The following SEC63 variants were observed in gnomAD, a reference collection of about 807,000 sequenced individuals.
SEC63 encodes the protein translocation protein SEC63 homolog.
SEC63 carries 56 observed loss-of-function variants against 116.2 expected under a neutral mutation model. That is an observed-to-expected ratio of 0.48 (90% CI 0.39 to 0.60). The LOEUF is 0.60. Ranked by LOEUF, SEC63 falls within the 20% of genes least tolerant of loss-of-function variation. The pLI is 0.00. For synonymous variants in SEC63, 273 were observed against 294.6 expected, an observed-to-expected ratio of 0.93 and a Z score of 0.75; for missense variants, 668 against 900.0, an observed-to-expected ratio of 0.74 and a Z score of 3.30.
rs150788370 is a variant in SEC63, at chr6:107,955,882, CTAAATAAA to C, written c.124+1996_124+2003del. 365 of 214,786 alleles carry C rather than the reference CTAAATAAA, an allele frequency of 1.7e-3. 14 individuals carry two copies. The highest frequency in any genetic ancestry group is 8.4e-3 in the Middle Eastern group (4 of 474). The allele number at this position is 214,786 out of a possible 1,614,324, so 13.3% of individuals were successfully genotyped here. A position where few individuals can be genotyped will look rare whatever the true frequency, so the allele number is the denominator to read the frequency against. Reference sequence around the variant, plus strand: ...TGGGCAACAGAGTGAGACTCTGTCTCTAAATAAATAAATAAATAAATAAATAAATAAAT... The same window carrying C: ...TGGGCAACAGAGTGAGACTCTGTCTCTAAATAAATAAATAAATAAATAAAT... On this transcript the variant is annotated intron_variant, in intron 1 of 20. Transcript: ENST00000369002.
At chr6:107,932,621 G>C (rs1204796470) in intron 1 of SEC63, among the ~76,000 whole-genome samples, 1 of 152,262 alleles carries the variant, frequency 6.6e-6, no homozygotes, top group East Asian at 1.9e-4. Context: ...TGAAAAAATA[G>C]AAAACAAGAA....
chr6:107,956,247 C>T (rs1770708440), intron 1 of SEC63: 3 of 169,014 alleles, frequency 1.8e-5, no homozygotes. Flanking sequence ...TCTGGCCAAA[C>T]CCACCGACTA....
At chr6:107,934,649 C>T (rs1770158202) in intron 1 of SEC63, among the ~76,000 whole-genome samples, 1 of 136,292 alleles carries the variant, frequency 7.3e-6, no homozygotes. Context: ...CCAGGCCAGC[C>T]ACCCCGTCCA....
chr6:107,875,737 A>G (rs1470571056), intron 19 of SEC63, among the ~76,000 whole-genome samples: 1 of 152,178 alleles, frequency 6.6e-6, no homozygotes, highest in Non-Finnish European at 1.5e-5. Context: ...ATGAAGATCT[A>G]AGATGCTATT....
At chr6:107,909,086 G>A (rs1265521452) in intron 7 of SEC63, 51 bp from the exon 8 acceptor site, 1 of 1,282,558 alleles carries the variant, frequency 7.8e-7, no homozygotes, top group Non-Finnish European at 1.1e-6. Flanking sequence ...AACTACGATA[G>A]GCTGGGCGAG....
chr6:107,890,143 T>C (rs888941028), intron 16 of SEC63, among the ~76,000 whole-genome samples: 3 of 151,094 alleles, frequency 2.0e-5, no homozygotes, highest in Admixed American at 1.3e-4. Flanking sequence ...CCTTGTTAAT[T>C]TTCTGTCTAA....
intron 4 of SEC63, among the ~76,000 whole-genome samples, chr6:107,917,709 C>G (rs1562328338): frequency 6.6e-6 from 1 of 152,150 alleles, no homozygotes; most frequent in Non-Finnish European, 1.5e-5. Context: ...TCAAACTACC[C>G]ACAATGTTCC....
intron 1 of SEC63, among the ~76,000 whole-genome samples, chr6:107,946,369 A>G (rs1411251836): frequency 6.6e-6 from 1 of 151,418 alleles, no homozygotes; most frequent in Non-Finnish European, 1.5e-5. Context: ...AGTAGCTGGG[A>G]TTACAGGTAT....
At chr6:107,921,330 T>A (rs1339456472) in intron 4 of SEC63, among the ~76,000 whole-genome samples, 1 of 152,184 alleles carries the variant, frequency 6.6e-6, no homozygotes, top group African/African-American at 2.4e-5. Flanking sequence ...TACAGTTTAA[T>A]TAAATTAAAT....
At position 107,902,920 on chromosome 6, in the gene SEC63, T is replaced by C; in HGVS notation, c.1133A>G (p.Gln378Arg). 1 of 1,613,884 alleles carries C rather than the reference T, an allele frequency of 6.2e-7. No homozygotes were observed. ...KLSQMAVQGL[Q>R]QFKSPLLQLP... ...CTGCAGAAGGGGAGACTTAAATTGCTGAAGTCCCTGAACGGCCATCTGAGA... is the reference window on the plus strand; with the variant it reads ...CTGCAGAAGGGGAGACTTAAATTGCCGAAGTCCCTGAACGGCCATCTGAGA... The change falls in exon 12 of 21, where the codon CAG (glutamine) becomes CGG (arginine). Residue 378 changes from glutamine (Q) to arginine (R), a missense_variant. Gln to Arg is a conservative substitution (Grantham distance 43). Around this residue, in one of 5 missense-constraint regions of SEC63, gnomAD observed 430 missense variants for 557.5 expected, o/e 0.77. Coordinates refer to ENST00000369002, the MANE Select transcript of SEC63 (RefSeq NM_007214.5).
intron 4 of SEC63, among the ~76,000 whole-genome samples, chr6:107,921,254 C>T (rs1787549143): frequency 6.6e-6 from 1 of 151,696 alleles, no homozygotes; most frequent in Admixed American, 6.6e-5. Flanking sequence ...AATCAAAATG[C>T]TAATAAAATA....
At chr6:107,934,924 C>A (rs555886429) in intron 1 of SEC63, among the ~76,000 whole-genome samples, 2 of 53,752 alleles carry the variant, frequency 3.7e-5, no homozygotes, top group East Asian at 4.3e-4. Flanking sequence ...AGGCCAGCCA[C>A]CCCGTCCAGG....
At chr6:107,892,651 C>T (rs1052323454) in intron 16 of SEC63, among the ~76,000 whole-genome samples, 10 of 152,092 alleles carry the variant, frequency 6.6e-5, no homozygotes, top group Non-Finnish European at 7.4e-5. Context: ...AGAATATATA[C>T]AGAATTCCTA....
At chr6:107,881,033 G>C in intron 18 of SEC63, 116 bp downstream of exon 18, 1 of 772,968 alleles carries the variant, frequency 1.3e-6, no homozygotes, top group Non-Finnish European at 2.3e-6. Flanking sequence ...TCTCAGGATA[G>C]ACCACATTTA....
Position 107,957,901 on chromosome 6 carries a change from G to C in SEC63, c.109C>G (p.Arg37Gly). 6.2e-7 allele frequency: 1 copy of C among 1,612,540 alleles called. No homozygotes were observed. Among genetic ancestry groups the C allele is most frequent in the Non-Finnish European group, 8.5e-7 (1 of 1,179,214 alleles). Residue 37 changes from arginine to glycine, a missense_variant, in exon 1 of 21, where the codon CGA becomes GGA. By Grantham distance (125) the Arg-to-Gly change is moderately radical. Coordinates refer to ENST00000369002, the MANE Select transcript of SEC63 (RefSeq NM_007214.5). ...CGGGACTCACCGGCATTCTGATCTC[G>C]GGGCCAGAGGTAGTATGTCGCCGGG... is the stretch of plus-strand genomic sequence containing the variant. ...VIPATYYLWP[R>G]DQNAEQIRLK...
At chr6:107,872,969 C>G (rs927382214) in intron 19 of SEC63, 57 bp from the exon 20 acceptor site, 8 of 1,095,020 alleles carry the variant, frequency 7.3e-6, no homozygotes, top group Non-Finnish European at 8.2e-6. Flanking sequence ...ACAGCTCACT[C>G]CCTAAAATTC....
At chr6:107,930,208 G>A (rs1209067060) in intron 1 of SEC63, 6 of 98,686 alleles carry the variant, frequency 6.1e-5, no homozygotes, top group African/African-American at 1.9e-4. Context: ...GTAGAAACTG[G>A]GTCTTGCTAT....
rs1787308339 is a variant in SEC63 at position 107,912,661 on chromosome 6, C to T, written c.573+55G>A. 3.8e-6 allele frequency: 4 copies of T among 1,053,496 alleles called. No individual in the cohort carries two copies. The Admixed American group carries it at 5.2e-5, about 14-fold the overall frequency. The allele number at this position is 1,053,496 out of a possible 1,614,324, so 65.3% of individuals were successfully genotyped here. ...TCTTGTATTACCAAGACAGATTGTA[C>T]ATAACAAAAATTTTGTCTAATACAT... On this transcript the variant is annotated intron_variant, in intron 6 of 20. Coordinates refer to ENST00000369002, the MANE Select transcript of SEC63 (RefSeq NM_007214.5).
rs574276150 is a variant in SEC63, at chr6:107,938,585, C to T, written c.125-9071G>A. On this transcript the variant is annotated intron_variant, in intron 1 of 20. Transcript: ENST00000369002. ...TTTTTTCTTTTTTTTTTTTTTTAGA[C>T]GGAGTCTCACTCTGTCACCCAGGCT... Among the ~76,000 whole-genome samples the T allele has an allele frequency of 1.6e-4, 23 of 146,854 alleles. 1 individual carries two copies. Among genetic ancestry groups the T allele is most frequent in the African/African-American group, 3.8e-4 (15 of 39,354 alleles).
Sources: gnomAD v4.1 joint callset for allele counts (sites outside exome capture counted in the v4.1 genomes callset) on GRCh38, gnomAD v4.1.1 for gene constraint, gnomAD v4.1.1 regional missense constraint, MANE v1.5 for transcripts, NCBI Gene and HGNC (gene_info 2026-07-23, HGNC 2026-07-21) for gene names.